Variants in CPVL observed in about 807,000 individuals in gnomAD.
CPVL encodes probable serine carboxypeptidase CPVL.
CPVL carries 51 observed loss-of-function variants against 63.7 expected under a neutral mutation model. The ratio of observed to expected loss-of-function variants is 0.80; its 90% CI spans 0.64 to 1.01. The LOEUF (loss-of-function observed/expected upper bound fraction) is 1.01, where lower values mean the gene tolerates loss of function less well. CPVL is among the 50% of genes least tolerant of loss of function. The pLI is 0.00. For missense variants in CPVL, 530 were observed against 573.1 expected (o/e 0.92, Z 0.77); for synonymous variants, 195 against 206.0 (o/e 0.95, Z 0.46).
At chr7:29,187,248 A>G (rs1300939355) in intron 1 of CPVL, among the ~76,000 whole-genome samples, 2 of 152,092 alleles carry the variant, frequency 1.3e-5, no homozygotes, top group African/African-American at 2.4e-5. Context: ...ATTGAAATCT[A>G]CTTTGAAATT....
chr7:29,007,563 T>C (rs1395305742), intron 12 of CPVL, among the ~76,000 whole-genome samples: 1 of 152,228 alleles, frequency 6.6e-6, no homozygotes, highest in Non-Finnish European at 1.5e-5. Context: ...AGAATATTTC[T>C]CATTTTTTCT....
chr7:29,129,507 G>A (rs1291451073), intron 1 of CPVL, among the ~76,000 whole-genome samples: 2 of 149,102 alleles, frequency 1.3e-5, no homozygotes, highest in Non-Finnish European at 3.0e-5. Context: ...GTCTCGCTCG[G>A]TCGCCAGGGT....
intron 12 of CPVL, among the ~76,000 whole-genome samples, chr7:29,023,596 C>T (rs945717180): frequency 7.9e-5 from 12 of 152,082 alleles, no homozygotes; most frequent in Non-Finnish European, 1.6e-4. Flanking sequence ...CCATGTATGC[C>T]ACCTGGGAAC....
At position 29,144,006 on chromosome 7, in the gene CPVL, T is replaced by C. The variant is rs551095697; in HGVS notation, c.-11+2423A>G. ...GCTTACATCTTTGAGCTTGCAAATA[T>C]AGTATAAAAGTTCAAACTCCACTAC... On this transcript the variant is annotated intron_variant, in intron 1 of 12. Transcript: ENST00000265394. Among the ~76,000 whole-genome samples, 6 of 152,354 alleles carry C rather than the reference T, an allele frequency of 3.9e-5. No individual in the cohort carries two copies. The South Asian group carries it at 8.3e-4, about 21-fold the overall frequency.
chr7:29,017,903 G>A (rs1786568734), intron 12 of CPVL, among the ~76,000 whole-genome samples: 1 of 152,194 alleles, frequency 6.6e-6, no homozygotes, highest in Non-Finnish European at 1.5e-5. Context: ...GACATGAAAT[G>A]GGTAGGATAC....
chr7:29,122,066 T>G (rs773074892), intron 1 of CPVL, among the ~76,000 whole-genome samples: 2 of 152,224 alleles, frequency 1.3e-5, no homozygotes, highest in African/African-American at 2.4e-5. Flanking sequence ...AACATCAATA[T>G]GTAAATTATA....
At chr7:29,187,233 C>T (rs1798822267) in intron 1 of CPVL, among the ~76,000 whole-genome samples, 1 of 152,086 alleles carries the variant, frequency 6.6e-6, no homozygotes, top group South Asian at 2.1e-4. Context: ...TCTGTCTATA[C>T]TTTTATTGAA....
chr7:29,151,040 G>T (rs987476660), upstream of CPVL, among the ~76,000 whole-genome samples: 6 of 152,192 alleles, frequency 3.9e-5, no homozygotes, highest in Non-Finnish European at 7.3e-5. Context: ...TTCATTAAGT[G>T]AGAAGTAGGC....
intron 12 of CPVL, among the ~76,000 whole-genome samples, chr7:29,024,136 G>T (rs984307223): frequency 2.0e-5 from 3 of 152,054 alleles, no homozygotes; most frequent in African/African-American, 7.2e-5. Context: ...TCATCAAAGA[G>T]ACTGATACAT....
At chr7:29,111,960 C>T (rs562410052) in intron 3 of CPVL, among the ~76,000 whole-genome samples, 5 of 152,334 alleles carry the variant, frequency 3.3e-5, no homozygotes, top group South Asian at 2.1e-4. Context: ...TGCTTCTCAG[C>T]GCTTCCAGCA....
At chr7:29,069,769 AATGTGT>A (rs1783537656) in intron 9 of CPVL, among the ~76,000 whole-genome samples, 7 of 114,696 alleles carry the variant, frequency 6.1e-5, no homozygotes, top group East Asian at 3.0e-4. Context: ...CTCACCAGTA[AATGTGT>A]GTGTGTGTGT....
At chr7:29,149,561 T>C (rs1793301056), upstream of CPVL, among the ~76,000 whole-genome samples, 2 of 152,116 alleles carry the variant, frequency 1.3e-5, no homozygotes, top group African/African-American at 2.4e-5. Flanking sequence ...AATAGAACCA[T>C]AGGACAGGAG....
At chr7:29,042,835 C>G (rs1193201640) in intron 11 of CPVL, among the ~76,000 whole-genome samples, 1 of 152,180 alleles carries the variant, frequency 6.6e-6, no homozygotes, top group Non-Finnish European at 1.5e-5. Flanking sequence ...AAAGCATTAA[C>G]CTAGAGATGC....
At chr7:29,191,267 A>C (rs1327929913) in intron 1 of CPVL, among the ~76,000 whole-genome samples, 5 of 152,240 alleles carry the variant, frequency 3.3e-5, no homozygotes. Context: ...AATATATACC[A>C]AAAGTACCAT....
chr7:29,072,219 C>T (rs1225198574), intron 8 of CPVL, 82 bp downstream of exon 8: 5 of 1,498,900 alleles, frequency 3.3e-6, no homozygotes, highest in Non-Finnish European at 4.6e-6. Flanking sequence ...AAAGTTAGAC[C>T]TCTAAGAGGA....
downstream of CPVL, chr7:28,995,146 C>CAAAG (rs1208101926): frequency 1.3e-5 from 2 of 151,914 alleles, no homozygotes; most frequent in Non-Finnish European, 2.9e-5. Context: ...ACCTCAAACT[C>CAAAG]AAAGAAGGAA....
intron 11 of CPVL, among the ~76,000 whole-genome samples, chr7:29,043,327 G>A (rs1789306814): frequency 6.6e-6 from 1 of 151,424 alleles, no homozygotes; most frequent in Admixed American, 6.6e-5. Context: ...AAGACTTTCT[G>A]CCCCATGCTC....
At chr7:29,189,770 G>A (rs543764565) in intron 1 of CPVL, among the ~76,000 whole-genome samples, 73 of 152,060 alleles carry the variant, frequency 4.8e-4, no homozygotes, top group African/African-American at 1.8e-3. Flanking sequence ...GCCTGCATGT[G>A]CCGATCTGAT....
At chr7:29,180,506 C>T (rs529931387) in intron 5 of CPVL, among the ~76,000 whole-genome samples, 35 of 150,382 alleles carry the variant, frequency 2.3e-4, no homozygotes, top group Non-Finnish European at 4.6e-4. Context: ...GGCGACAGAG[C>T]GACAGAGCGA....
Sources: gnomAD v4.1 joint callset for allele counts (sites outside exome capture counted in the v4.1 genomes callset) on GRCh38, gnomAD v4.1.1 for gene constraint, MANE v1.5 for transcripts, NCBI Gene and HGNC (gene_info 2026-07-23, HGNC 2026-07-21) for gene names.